Variants in TBC1D32 observed in about 807,000 individuals in gnomAD.
TBC1D32 encodes TBC1 domain family member 32.
In TBC1D32, 151 loss-of-function variants were observed where a neutral mutation model predicts 170.3. The ratio of observed to expected loss-of-function variants is 0.89; its 90% CI spans 0.78 to 1.01. The LOEUF is 1.01. Ranked by LOEUF, TBC1D32 falls within the 50% of genes least tolerant of loss-of-function variation. The pLI, the probability that TBC1D32 is intolerant of heterozygous loss-of-function variation, is 0.00. For synonymous variants in TBC1D32, 498 were observed against 488.0 expected (o/e 1.02, Z -0.27); for missense variants, 1,464 against 1,457.1 (o/e 1.00, Z -0.08).
chr6:121,126,131 C>T (rs1287806261), intron 26 of TBC1D32, among the ~76,000 whole-genome samples: 1 of 152,068 alleles, frequency 6.6e-6, no homozygotes, highest in Non-Finnish European at 1.5e-5. Flanking sequence ...GAAGACATTG[C>T]TTAAGGCAAA....
chr6:121,189,352 GACTGAC>G (rs1179230137), intron 22 of TBC1D32, among the ~76,000 whole-genome samples: 1 of 151,948 alleles, frequency 6.6e-6, no homozygotes, highest in East Asian at 1.9e-4. Context: ...TGAACATTAA[GACTGAC>G]ACAGTGAGTC....
At chr6:121,243,178 A>G (rs1797198905) in intron 17 of TBC1D32, among the ~76,000 whole-genome samples, 1 of 152,042 alleles carries the variant, frequency 6.6e-6, no homozygotes, top group Non-Finnish European at 1.5e-5. Context: ...ACACAAAATA[A>G]GAAAATAACC....
chr6:121,186,124 T>C (rs1268567021), intron 22 of TBC1D32, among the ~76,000 whole-genome samples: 2 of 152,142 alleles, frequency 1.3e-5, no homozygotes, highest in Non-Finnish European at 1.5e-5. Context: ...TATTCCAAAC[T>C]AGAGTACTTC....
At chr6:121,198,208 TTA>T (rs1286836891) in intron 22 of TBC1D32, among the ~76,000 whole-genome samples, 3 of 134,956 alleles carry the variant, frequency 2.2e-5, no homozygotes, top group Admixed American at 8.5e-5. Context: ...ATTTTATATA[TTA>T]TATATATGTG....
intron 11 of TBC1D32, among the ~76,000 whole-genome samples, chr6:121,293,249 T>A (rs1333763308): frequency 6.6e-6 from 1 of 152,124 alleles, no homozygotes; most frequent in East Asian, 1.9e-4. Flanking sequence ...TACATTTTAA[T>A]ATCAAGAAAT....
intron 31 of TBC1D32, among the ~76,000 whole-genome samples, chr6:121,082,668 A>G (rs1242506636): frequency 6.6e-6 from 1 of 152,048 alleles, no homozygotes; most frequent in Admixed American, 6.5e-5. Context: ...AAAATAAGCA[A>G]TATCTATTTA....
At chr6:121,138,542 A>G (rs1266496464) in intron 24 of TBC1D32, among the ~76,000 whole-genome samples, 1 of 152,170 alleles carries the variant, frequency 6.6e-6, no homozygotes, top group African/African-American at 2.4e-5. Flanking sequence ...GAGGGGAAAA[A>G]CCATAATCTC....
intron 20 of TBC1D32, among the ~76,000 whole-genome samples, chr6:121,238,642 T>A (rs1026729787): frequency 6.6e-6 from 1 of 152,142 alleles, no homozygotes; most frequent in Non-Finnish European, 1.5e-5. Context: ...AATGATAGCA[T>A]CTTCTCTCTG....
chr6:121,085,328 TATAC>T (rs1202917724), intron 31 of TBC1D32, among the ~76,000 whole-genome samples: 2 of 132,164 alleles, frequency 1.5e-5, no homozygotes, highest in Admixed American at 7.4e-5. Context: ...CACATATATA[TATAC>T]ATACATATAT....
At chr6:121,091,393 T>C (rs1174331216) in intron 30 of TBC1D32, among the ~76,000 whole-genome samples, 2 of 152,026 alleles carry the variant, frequency 1.3e-5, no homozygotes, top group African/African-American at 4.8e-5. Flanking sequence ...AATTCAGAGA[T>C]GGGAGTTTTT....
chr6:121,316,817 A>C (rs1256389179), intron 3 of TBC1D32, among the ~76,000 whole-genome samples: 1 of 151,828 alleles, frequency 6.6e-6, no homozygotes, highest in Non-Finnish European at 1.5e-5. Context: ...TAATTAGGTG[A>C]AAAATGTTTG....
intron 20 of TBC1D32, among the ~76,000 whole-genome samples, chr6:121,235,959 A>G (rs76797106): frequency 0.024 from 3,673 of 152,230 alleles, 166 homozygotes; most frequent in East Asian, 0.12. Context: ...ACATGCTGAA[A>G]ATCTGTATTT....
intron 30 of TBC1D32, among the ~76,000 whole-genome samples, chr6:121,100,219 G>A (rs1255640949): frequency 6.6e-6 from 1 of 151,964 alleles, no homozygotes. Context: ...AGTGCGATGT[G>A]GTGCTGAGAA....
chr6:121,156,338 G>A (rs1265183741), intron 24 of TBC1D32, among the ~76,000 whole-genome samples: 3 of 151,380 alleles, frequency 2.0e-5, no homozygotes, highest in African/African-American at 7.3e-5. Flanking sequence ...TTGATCTTTT[G>A]TATTTCTGTG....
intron 21 of TBC1D32, among the ~76,000 whole-genome samples, chr6:121,209,266 T>C (rs1375908664): frequency 6.6e-6 from 1 of 152,146 alleles, no homozygotes; most frequent in African/African-American, 2.4e-5. Flanking sequence ...ATCTATGCCA[T>C]AAGCCCATCT....
chr6:121,112,715 T>G (rs1250141163), intron 28 of TBC1D32, 56 bp from the exon 29 acceptor site: 1 of 1,336,186 alleles, frequency 7.5e-7, no homozygotes, highest in East Asian at 2.8e-5. Flanking sequence ...AATATTAAAA[T>G]TCTGTAAATA....
chr6:121,150,575 T>C (rs1362191719), intron 24 of TBC1D32, among the ~76,000 whole-genome samples: 1 of 152,166 alleles, frequency 6.6e-6, no homozygotes, highest in African/African-American at 2.4e-5. Flanking sequence ...TCAGAAGGAA[T>C]GGGTACCAGC....
At chr6:121,263,885 C>T (rs1474216142) in intron 15 of TBC1D32, among the ~76,000 whole-genome samples, 1 of 152,014 alleles carries the variant, frequency 6.6e-6, no homozygotes, top group African/African-American at 2.4e-5. Flanking sequence ...TTCTTTGAAG[C>T]CAATGAAAAC....
chr6:121,088,848 G>C (rs1439546220), intron 31 of TBC1D32, among the ~76,000 whole-genome samples: 1 of 152,128 alleles, frequency 6.6e-6, no homozygotes, highest in Non-Finnish European at 1.5e-5. Flanking sequence ...CAGAGGCTTA[G>C]GTCATAATCT....
Sources: gnomAD v4.1 joint callset for allele counts (sites outside exome capture counted in the v4.1 genomes callset) on GRCh38, gnomAD v4.1.1 for gene constraint, MANE v1.5 for transcripts, NCBI Gene and HGNC (gene_info 2026-07-23, HGNC 2026-07-21) for gene names.